TTC21B: variants seen among roughly 807,000 people sequenced by gnomAD.
The protein encoded by TTC21B is tetratricopeptide repeat domain 21B.
TTC21B carries 127 observed loss-of-function variants against 175.1 expected under a neutral mutation model. That is an observed-to-expected ratio of 0.73 (90% confidence interval 0.63 to 0.84). TTC21B has a LOEUF of 0.84. TTC21B is among the 40% of genes least tolerant of loss of function. The probability of loss-of-function intolerance (pLI) is 0.00; values close to 1 mark genes in which losing one functional copy is unlikely to be tolerated. For missense variants in TTC21B, 1,561 were observed against 1,558.3 expected (o/e 1.00, Z -0.03); for synonymous variants, 524 against 524.5 (o/e 1.00, Z 0.01).
intron 18 of TTC21B, 110 bp from the exon 19 acceptor site, chr2:165,907,894 T>C (rs1685795573): frequency 8.3e-6 from 6 of 723,900 alleles, no homozygotes; most frequent in Admixed American, 7.6e-5. Context: ...TGAAAAATAG[T>C]GAATACGGTT....
At chr2:165,902,367 G>A (rs1034775263) in intron 19 of TTC21B, among the ~76,000 whole-genome samples, 15 of 152,182 alleles carry the variant, frequency 9.9e-5, no homozygotes, top group Admixed American at 9.8e-4. Context: ...TAAAATTTAT[G>A]TTTTAGCTAC....
In TTC21B at chr2:165,930,347, A is replaced by C. The variant is rs780519055; in HGVS notation, c.912T>G (p.Leu304=). 3 of 1,611,998 alleles carry C rather than the reference A, an allele frequency of 1.9e-6. No homozygotes were observed. In the Admixed American group the frequency reaches 5.0e-5, roughly 27 times the overall value. Residue 304 remains leucine (L), a synonymous_variant, in exon 9 of 29, where the codon CTT becomes CTG. Transcript: ENST00000243344. ...GTAACGTTTGAATTTTTTGAAGAATAAGTTGACTACGTCCACACTAAAAAG... is the reference window on the plus strand; with the variant it reads ...GTAACGTTTGAATTTTTTGAAGAATCAGTTGACTACGTCCACACTAAAAAG... ...AFSRTCGRSQ[L]ILQKIQTLLE... is the part of the protein sequence containing the mutation.
rs1012170120 is a variant in TTC21B at position 165,876,078 on chromosome 2, A to T, written c.3873+87T>A. ...ATTTAACTAAAATAATGTATCCTCT[A>T]TTTCTATTCACATACATCTGGAGAT... On this transcript the variant is annotated intron_variant, in intron 28 of 28. Transcript: ENST00000243344. 26 of 799,086 alleles carry T rather than the reference A, an allele frequency of 3.3e-5. No individual in the cohort carries two copies. In the African/African-American group the frequency reaches 4.2e-4, roughly 13 times the overall value. The allele number at this position is 799,086 out of a possible 1,614,324, so 49.5% of individuals were successfully genotyped here.
Position 165,880,715 on chromosome 2 carries a change from C to T in TTC21B, c.3769G>A (p.Ala1257Thr), listed in dbSNP as rs749002381. The T allele has an allele frequency of 6.2e-7, 1 of 1,613,556 alleles. No individual in the cohort carries two copies. The highest frequency in any genetic ancestry group is 2.2e-5 in the East Asian group (1 of 44,800). ...TTTGTCCGATTGCTATATTTCCATG[C>T]CATCTCATAGTTCAAGGCAGCATCT... ...YTDAALNYEM[A>T]WKYSNRTNPA... The change falls in exon 27 of 29, where the codon GCA becomes ACA. Residue 1257 changes from alanine to threonine, a missense_variant. Transcript: ENST00000243344.
intron 26 of TTC21B, 27 bp from the exon 27 acceptor site, chr2:165,880,826 G>A: frequency 6.2e-7 from 1 of 1,606,310 alleles, no homozygotes; most frequent in Non-Finnish European, 8.5e-7. Context: ...GACATCAATA[G>A]ATTAAACTTG....
chr2:165,932,716 A>G (rs1686958356), intron 7 of TTC21B, among the ~76,000 whole-genome samples: 1 of 152,122 alleles, frequency 6.6e-6, no homozygotes, highest in Non-Finnish European at 1.5e-5. Context: ...ACAGAAAGCC[A>G]TATATACTAT....
intron 6 of TTC21B, 97 bp downstream of exon 6, chr2:165,940,930 A>T (rs1355833089): frequency 2.2e-6 from 3 of 1,393,136 alleles, no homozygotes; most frequent in Non-Finnish European, 3.0e-6. Context: ...AAAAAAATCA[A>T]ATTTAAAAAC....
chr2:165,883,405 C>A (rs1684898322), intron 26 of TTC21B, among the ~76,000 whole-genome samples: 1 of 152,090 alleles, frequency 6.6e-6, no homozygotes, highest in South Asian at 2.1e-4. Flanking sequence ...GAGAAAATGA[C>A]ATGCAGCTGC....
intron 20 of TTC21B, among the ~76,000 whole-genome samples, chr2:165,900,584 C>T (rs1685526486): frequency 6.6e-6 from 1 of 152,126 alleles, no homozygotes; most frequent in South Asian, 2.1e-4. Flanking sequence ...CATTTATTCT[C>T]CCACTGTGCT....
At position 165,873,937 on chromosome 2, in the gene TTC21B, T is replaced by C. The variant is rs1196950813; in HGVS notation, c.*818A>G. ...CACATCTTTTGAGTTCCAAGAGGAATATAAATCATCTATTTATAAAACCTT... is the reference window on the plus strand; with the variant it reads ...CACATCTTTTGAGTTCCAAGAGGAACATAAATCATCTATTTATAAAACCTT... On this transcript the variant is annotated 3_prime_UTR_variant, in exon 29 of 29. Coordinates refer to ENST00000243344, the MANE Select transcript of TTC21B (RefSeq NM_024753.5). The C allele has an allele frequency of 1.3e-5, 2 of 152,140 alleles. No homozygotes were observed. The highest frequency in any genetic ancestry group is 4.8e-5 in the African/African-American group (2 of 41,458). The allele number at this position is 152,140 out of a possible 1,614,324, so 9.4% of individuals were successfully genotyped here.
At chr2:165,891,779 A>T (rs12617244) in intron 22 of TTC21B, among the ~76,000 whole-genome samples, 18,395 of 125,166 alleles carry the variant, frequency 0.15, 1,559 homozygotes, top group East Asian at 0.35. Context: ...AAATAAGGAA[A>T]ATATATATAA....
At chr2:165,908,644 G>A (rs1685826186) in intron 18 of TTC21B, among the ~76,000 whole-genome samples, 1 of 152,054 alleles carries the variant, frequency 6.6e-6, no homozygotes, top group South Asian at 2.1e-4. Context: ...GATTATATTT[G>A]CCTCAAAGAT....
chr2:165,933,712 G>T (rs1328403276), intron 6 of TTC21B: 1 of 152,248 alleles, frequency 6.6e-6, no homozygotes, highest in African/African-American at 2.4e-5. Flanking sequence ...CCCTCCCTGA[G>T]TACGTGTCTT....
chr2:165,874,237 T>A lies in TTC21B; in HGVS notation c.*518A>T, dbSNP rs867932233. 6.5e-6 allele frequency: 1 copy of A among 152,894 alleles called. No homozygotes were observed. The highest frequency in any genetic ancestry group is 1.5e-5 in the Non-Finnish European group (1 of 68,742). The allele number at this position is 152,894 out of a possible 1,614,324, so 9.5% of individuals were successfully genotyped here. On this transcript the variant is annotated 3_prime_UTR_variant, in exon 29 of 29. Transcript: ENST00000243344. Reference sequence around the variant, plus strand: ...GGCACATGCCTTTAGTCCCAGCTACTCGGGAGGCTGAAGCAGGAGAATCGC... The same window carrying A: ...GGCACATGCCTTTAGTCCCAGCTACACGGGAGGCTGAAGCAGGAGAATCGC...
At position 165,888,578 on chromosome 2, in the gene TTC21B, ACT is replaced by A. The variant is rs200636658; in HGVS notation, c.3264-106_3264-105del. ...ACAAAAGCTCTGGGCACTCTTTTAT[ACT>A]CTTTTTGTCACTCATTTAAAAGTAA... On this transcript the variant is annotated intron_variant, in intron 24 of 28. Coordinates refer to ENST00000243344, the MANE Select transcript of TTC21B (RefSeq NM_024753.5). The A allele has an allele frequency of 5.0e-3, 4,097 of 827,036 alleles. 198 individuals carry two copies. In the Admixed American group the frequency reaches 0.083, roughly 17 times the overall value. 51.2% of individuals were successfully genotyped at this position (827,036 alleles called of 1,614,324 possible). A position where few individuals can be genotyped will look rare whatever the true frequency, so the allele number is the denominator to read the frequency against.
rs138183111 is a variant in TTC21B at position 165,931,765 on chromosome 2, C to T, written c.887G>A (p.Ser296Asn). ...CATGGTAGGCACTCTCACAGTTCTGCTGAAGGCGAGTGTAATGTTATAGAA... is the reference window on the plus strand; with the variant it reads ...CATGGTAGGCACTCTCACAGTTCTGTTGAAGGCGAGTGTAATGTTATAGAA... ...QLFYNITLAF[S>N]RTCGRSQLIL... is the part of the protein sequence containing the mutation. Residue 296 changes from serine to asparagine, a missense_variant, in exon 8 of 29, where the codon AGC becomes AAC. By Grantham distance (46) the Ser-to-Asn change is conservative. Transcript: ENST00000243344. 4.8e-5 allele frequency: 77 copies of T among 1,612,582 alleles called. No homozygotes were observed. Among genetic ancestry groups the T allele is most frequent in the Non-Finnish European group, 6.2e-5 (73 of 1,178,842 alleles).
rs562579341 is a variant in TTC21B at position 165,951,855 on chromosome 2, G to A, written c.21+1830C>T. Among the ~76,000 whole-genome samples the A allele has an allele frequency of 9.2e-5, 14 of 152,306 alleles. No homozygotes were observed. In the East Asian group the frequency reaches 2.1e-3, roughly 23 times the overall value. On this transcript the variant is annotated intron_variant, in intron 1 of 28. Transcript: ENST00000243344. ...GCTTATAAACTCCTTTGGGAATGTG[G>A]GATAGCAACATTTTGACAGCATTGA...
chr2:165,881,308 C>T (rs1195785826), intron 26 of TTC21B, among the ~76,000 whole-genome samples: 2 of 152,082 alleles, frequency 1.3e-5, no homozygotes, highest in Non-Finnish European at 2.9e-5. Flanking sequence ...TTTTATCACA[C>T]CTAAAATGTT....
chr2:165,921,598 AG>A (rs766035543), intron 12 of TTC21B, among the ~76,000 whole-genome samples: 1 of 152,202 alleles, frequency 6.6e-6, no homozygotes, highest in Non-Finnish European at 1.5e-5. Context: ...AGGAGGCTCT[AG>A]GAGTGCCCAA....
Sources: allele counts gnomAD v4.1 joint callset (sites outside exome capture counted in the v4.1 genomes callset), GRCh38; gene constraint gnomAD v4.1.1; transcripts MANE v1.5; gene names NCBI Gene and HGNC (gene_info 2026-07-23, HGNC 2026-07-21).